The following LHFPL6 variants were observed in gnomAD, a reference collection of about 807,000 sequenced individuals.
The protein encoded by LHFPL6 is LHFPL tetraspan subfamily member 6.
In LHFPL6, 9 loss-of-function variants were observed where a neutral mutation model predicts 20.6. The observed-to-expected ratio is 0.44, with a 90% CI of 0.26 to 0.76. LHFPL6 has a LOEUF of 0.76. Ranked by LOEUF, LHFPL6 falls within the 30% of genes least tolerant of loss-of-function variation. The probability of loss-of-function intolerance (pLI) is 0.20; values close to 1 mark genes in which losing one functional copy is unlikely to be tolerated. For missense variants in LHFPL6, 218 were observed against 253.5 expected, an observed-to-expected ratio of 0.86 and a Z score of 0.95; for synonymous variants, 105 against 98.7, an observed-to-expected ratio of 1.06 and a Z score of -0.38.
chr13:39,489,842 A>T (rs991588377), intron 2 of LHFPL6, among the ~76,000 whole-genome samples: 2 of 152,284 alleles, frequency 1.3e-5, no homozygotes, highest in Middle Eastern at 3.4e-3. Context: ...GATGTAAGTC[A>T]CCATGCCTGG....
intron 2 of LHFPL6, among the ~76,000 whole-genome samples, chr13:39,555,648 C>A (rs1871283523): frequency 6.6e-6 from 1 of 152,024 alleles, no homozygotes; most frequent in Non-Finnish European, 1.5e-5. Flanking sequence ...TATTTAGTAA[C>A]AAAAATTTAA....
chr13:39,589,295 T>C (rs1378446438), intron 2 of LHFPL6, among the ~76,000 whole-genome samples: 1 of 152,008 alleles, frequency 6.6e-6, no homozygotes, highest in Non-Finnish European at 1.5e-5. Flanking sequence ...TTAGTAAAGA[T>C]GGGGTTTCAC....
At chr13:39,444,259 A>G (rs951854545) in intron 2 of LHFPL6, among the ~76,000 whole-genome samples, 1 of 152,236 alleles carries the variant, frequency 6.6e-6, no homozygotes, top group Admixed American at 6.5e-5. Context: ...AAATGATATA[A>G]AAATGGAATT....
chr13:39,408,769 T>G (rs543877793), intron 2 of LHFPL6, among the ~76,000 whole-genome samples: 7 of 152,198 alleles, frequency 4.6e-5, no homozygotes, highest in Non-Finnish European at 8.8e-5. Flanking sequence ...AGAAAGCAGA[T>G]CCAGTTTGGA....
chr13:39,472,604 T>C (rs1201238812), intron 2 of LHFPL6, among the ~76,000 whole-genome samples: 1 of 152,084 alleles, frequency 6.6e-6, no homozygotes, highest in African/African-American at 2.4e-5. Context: ...TATTTTATCA[T>C]TTTAATTAAT....
chr13:39,559,859 T>C (rs1871417491), intron 2 of LHFPL6, among the ~76,000 whole-genome samples: 2 of 152,206 alleles, frequency 1.3e-5, no homozygotes, highest in South Asian at 2.1e-4. Context: ...ACTACGGCAG[T>C]CCCCCATTTT....
intron 2 of LHFPL6, among the ~76,000 whole-genome samples, chr13:39,451,605 T>TGTTTAGAAAGTACATA (rs1308327820): frequency 6.6e-6 from 1 of 152,242 alleles, no homozygotes; most frequent in Admixed American, 6.5e-5. Context: ...TAAAGTAGTA[T>TGTTTAGAAAGTACATA]GTTTAGAAAG....
chr13:39,564,756 GTAAAA>G, intron 2 of LHFPL6, among the ~76,000 whole-genome samples: 1 of 152,208 alleles, frequency 6.6e-6, no homozygotes, highest in Non-Finnish European at 1.5e-5. Flanking sequence ...AGCCTTTTAT[GTAAAA>G]GGGTTAAGAA....
In LHFPL6 at chr13:39,572,332, C is replaced by G. The variant is rs9548830; in HGVS notation, c.385+28500G>C. On this transcript the variant is annotated intron_variant, in intron 2 of 3. Transcript: ENST00000379589. Reference sequence around the variant, plus strand: ...TGTGTGTGTGTGTGTGTGTGTGTGACAGTCCCCAGTGAGAATCAGTCTGAG... The same window carrying G: ...TGTGTGTGTGTGTGTGTGTGTGTGAGAGTCCCCAGTGAGAATCAGTCTGAG... Among the ~76,000 whole-genome samples, 5 of 135,066 alleles carry G rather than the reference C, an allele frequency of 3.7e-5. No individual in the cohort carries two copies. The South Asian group carries it at 9.4e-4, about 25-fold the overall frequency. 88.6% of individuals were successfully genotyped at this position (135,066 alleles called of 152,430 possible).
chr13:39,397,088 C>G (rs1166501693), intron 2 of LHFPL6, among the ~76,000 whole-genome samples: 3 of 152,042 alleles, frequency 2.0e-5, no homozygotes, highest in Non-Finnish European at 4.4e-5. Context: ...AACTAAAACA[C>G]CTAGTTAAAA....
intron 2 of LHFPL6, among the ~76,000 whole-genome samples, chr13:39,407,165 T>C (rs9566424): frequency 0.14 from 21,527 of 152,250 alleles, 1,699 homozygotes; most frequent in Middle Eastern, 0.19. Flanking sequence ...TTGAGTTTCA[T>C]AGATAATTAA....
At chr13:39,369,601 C>T (rs202206774) in intron 3 of LHFPL6, among the ~76,000 whole-genome samples, 168 of 25,154 alleles carry the variant, frequency 6.7e-3, no homozygotes, top group African/African-American at 0.012. Context: ...CTTCCTTCCT[C>T]CCTCTCTCCC....
chr13:39,429,173 G>C (rs73458878), intron 2 of LHFPL6, among the ~76,000 whole-genome samples: 4,288 of 150,522 alleles, frequency 0.028, 177 homozygotes, highest in African/African-American at 0.091. Context: ...TTCAAGTCGT[G>C]CATATCCTTA....
At chr13:39,362,300 C>G (rs74803428) in intron 3 of LHFPL6, among the ~76,000 whole-genome samples, 14,981 of 152,194 alleles carry the variant, frequency 0.098, 831 homozygotes, top group South Asian at 0.18. Flanking sequence ...TCCTCCTGTT[C>G]CGGCTAGGTA....
At chr13:39,497,569 C>A (rs1869142643) in intron 2 of LHFPL6, among the ~76,000 whole-genome samples, 1 of 152,156 alleles carries the variant, frequency 6.6e-6, no homozygotes, top group Admixed American at 6.5e-5. Context: ...TTATTCCTCT[C>A]TAGCAGTAAG....
chr13:39,493,244 A>G (rs1237284963), intron 2 of LHFPL6, among the ~76,000 whole-genome samples: 1 of 150,236 alleles, frequency 6.7e-6, no homozygotes, highest in Non-Finnish European at 1.5e-5. Context: ...CAAGGTGGGC[A>G]GATCACCTGA....
chr13:39,483,722 G>A (rs536460390), intron 2 of LHFPL6, among the ~76,000 whole-genome samples: 7 of 152,246 alleles, frequency 4.6e-5, no homozygotes, highest in East Asian at 3.9e-4. Flanking sequence ...AGAAGATGGG[G>A]CCATGAATGT....
rs150022763 is a variant in LHFPL6, at chr13:39,456,532, T to G, written c.386-78006A>C. On this transcript the variant is annotated intron_variant, in intron 2 of 3. Transcript: ENST00000379589. ...GACAATATATTATGACAAAGTGGGG[T>G]TTATCCCAGTAATGCAAGGCAATTA... Among the ~76,000 whole-genome samples the G allele has an allele frequency of 5.3e-3, 805 of 152,192 alleles. 29 individuals carry two copies. The highest frequency in any genetic ancestry group is 0.05 in the Admixed American group (770 of 15,286).
At chr13:39,364,009 C>T (rs1051717740) in intron 3 of LHFPL6, among the ~76,000 whole-genome samples, 2 of 152,184 alleles carry the variant, frequency 1.3e-5, no homozygotes, top group Non-Finnish European at 2.9e-5. Flanking sequence ...GATGTATAGC[C>T]TACTCCATTA....
Sources: allele counts gnomAD v4.1 joint callset (sites outside exome capture counted in the v4.1 genomes callset), GRCh38; gene constraint gnomAD v4.1.1; transcripts MANE v1.5; gene names NCBI Gene and HGNC (gene_info 2026-07-23, HGNC 2026-07-21).